The following CTNNBL1 variants were observed in gnomAD, a reference collection of about 807,000 sequenced individuals.
The protein encoded by CTNNBL1 is catenin beta like 1.
Under a neutral mutation model 72.7 loss-of-function variants are expected in CTNNBL1, and 31 were observed. The ratio of observed to expected loss-of-function variants is 0.43; its 90% CI spans 0.32 to 0.58. CTNNBL1 has a LOEUF of 0.58. Ranked by LOEUF, CTNNBL1 falls within the 20% of genes least tolerant of loss-of-function variation. The probability of loss-of-function intolerance (pLI) is 0.08; values close to 1 mark genes in which losing one functional copy is unlikely to be tolerated. For missense variants in CTNNBL1, 534 were observed against 725.1 expected, an observed-to-expected ratio of 0.74 and a Z score of 3.03; for synonymous variants, 240 against 267.3, an observed-to-expected ratio of 0.90 and a Z score of 1.00.
intron 1 of CTNNBL1, among the ~76,000 whole-genome samples, chr20:37,729,147 G>C (rs1486471959): frequency 1.3e-5 from 2 of 152,148 alleles, no homozygotes; most frequent in Admixed American, 6.5e-5. Context: ...GGATGTTTTT[G>C]CCTGAAATTT....
intron 3 of CTNNBL1, among the ~76,000 whole-genome samples, chr20:37,737,709 C>G (rs1444208588): frequency 3.3e-5 from 5 of 152,198 alleles, no homozygotes; most frequent in Admixed American, 3.3e-4. Context: ...GAGAAAAAGA[C>G]ACATCAGGTG....
intron 13 of CTNNBL1, among the ~76,000 whole-genome samples, chr20:37,845,939 A>G (rs528373967): frequency 4.5e-4 from 69 of 152,304 alleles, no homozygotes; most frequent in Non-Finnish European, 6.3e-4. Flanking sequence ...TTCCCTGTGA[A>G]CTTCAGACTT....
chr20:37,801,956 T>C (rs371173087), intron 10 of CTNNBL1, among the ~76,000 whole-genome samples: 1 of 152,250 alleles, frequency 6.6e-6, no homozygotes, highest in Non-Finnish European at 1.5e-5. Flanking sequence ...TCCTAAGGAA[T>C]CTACTAAAAG....
chr20:37,760,793 T>C lies in CTNNBL1; in HGVS notation c.564+3137T>C, dbSNP rs557692783. Among the ~76,000 whole-genome samples the C allele has an allele frequency of 2.0e-5, 3 of 152,334 alleles. No homozygotes were observed. In the South Asian group the frequency reaches 6.2e-4, roughly 32 times the overall value. On this transcript the variant is annotated intron_variant, in intron 5 of 15. Transcript: ENST00000361383. ...ATAAAGGTACTATGCCTGGCAGATA[T>C]TAAGCATTTAGCAAATGTCAGGTTA...
chr20:37,725,649 GTGT>G (rs2073078410), intron 1 of CTNNBL1, among the ~76,000 whole-genome samples: 2 of 151,204 alleles, frequency 1.3e-5, no homozygotes, highest in East Asian at 4.0e-4. Context: ...GGAGCTCAGT[GTGT>G]TGTTTTCTAT....
intron 4 of CTNNBL1, among the ~76,000 whole-genome samples, chr20:37,753,657 G>A (rs778161209): frequency 6.6e-5 from 10 of 152,156 alleles, no homozygotes; most frequent in South Asian, 4.1e-4. Flanking sequence ...AATAGTGAGC[G>A]CTTTGGGCAT....
At chr20:37,835,959 C>T (rs1019503617) in intron 11 of CTNNBL1, among the ~76,000 whole-genome samples, 9 of 152,132 alleles carry the variant, frequency 5.9e-5, no homozygotes, top group East Asian at 1.9e-4. Context: ...AGAATGGGTT[C>T]GTGGAAGGAA....
At chr20:37,786,886 T>C (rs2073679850) in intron 10 of CTNNBL1, among the ~76,000 whole-genome samples, 2 of 152,224 alleles carry the variant, frequency 1.3e-5, no homozygotes. Context: ...AAAATACATT[T>C]CTGAATTTGA....
At chr20:37,856,645 A>G (rs1417075332) in intron 13 of CTNNBL1, among the ~76,000 whole-genome samples, 2 of 151,214 alleles carry the variant, frequency 1.3e-5, no homozygotes, top group Non-Finnish European at 2.9e-5. Context: ...CATACCTCTA[A>G]GGTGCTCCAT....
chr20:37,829,120 G>A (rs1470911343), intron 11 of CTNNBL1, among the ~76,000 whole-genome samples: 3 of 152,162 alleles, frequency 2.0e-5, no homozygotes, highest in Admixed American at 2.0e-4. Flanking sequence ...GGGGCAGGGG[G>A]CAGGTGGGTG....
At chr20:37,788,523 G>A (rs563004707) in intron 10 of CTNNBL1, among the ~76,000 whole-genome samples, 160 of 152,276 alleles carry the variant, frequency 1.1e-3, no homozygotes, top group African/African-American at 3.7e-3. Context: ...TGCATGGAAA[G>A]CACAAAACGG....
intron 13 of CTNNBL1, among the ~76,000 whole-genome samples, chr20:37,850,564 A>C (rs554130895): frequency 2.3e-3 from 16 of 6,966 alleles, no homozygotes; most frequent in African/African-American, 9.0e-3. Context: ...CAAAACTGCC[A>C]TCAGTTTCTT....
chr20:37,843,666 T>G (rs6067831), intron 13 of CTNNBL1, among the ~76,000 whole-genome samples: 124,433 of 152,186 alleles, frequency 0.82, 50,926 homozygotes, highest in Middle Eastern at 0.89. Context: ...TCCAAAAATG[T>G]CAGAGTTACC....
At chr20:37,779,081 C>T in intron 9 of CTNNBL1, 106 bp from the exon 10 acceptor site, 1 of 1,076,156 alleles carries the variant, frequency 9.3e-7, no homozygotes, top group South Asian at 1.4e-5. Flanking sequence ...CTTCTGTTTC[C>T]TCAGTCGTAG....
chr20:37,834,687 T>C (rs1020989066), intron 11 of CTNNBL1, among the ~76,000 whole-genome samples: 2 of 152,180 alleles, frequency 1.3e-5, no homozygotes, highest in Admixed American at 6.5e-5. Context: ...TCAGGCGACT[T>C]AGATTCAGAT....
At chr20:37,864,575 TACTC>T (rs1020712642) in intron 15 of CTNNBL1, among the ~76,000 whole-genome samples, 4 of 152,150 alleles carry the variant, frequency 2.6e-5, no homozygotes, top group African/African-American at 9.7e-5. Flanking sequence ...GCACACTGCT[TACTC>T]AGTGCTCCCG....
chr20:37,751,394 T>C (rs1441221048), intron 4 of CTNNBL1: 1 of 152,160 alleles, frequency 6.6e-6, no homozygotes, highest in African/African-American at 2.4e-5. Flanking sequence ...ATTGTGCTGA[T>C]GGGGCAGCTC....
chr20:37,698,229 GA>G (rs2072809630), intron 1 of CTNNBL1, among the ~76,000 whole-genome samples: 1 of 152,222 alleles, frequency 6.6e-6, no homozygotes, highest in South Asian at 2.1e-4. Flanking sequence ...TAACAGGGCT[GA>G]AACCTCCTAA....
chr20:37,753,725 C>T (rs947047457), intron 4 of CTNNBL1, among the ~76,000 whole-genome samples: 1 of 152,194 alleles, frequency 6.6e-6, no homozygotes, highest in African/African-American at 2.4e-5. Context: ...ATTTTAACTT[C>T]CTTGGCCTTT....
Sources: gnomAD v4.1 joint callset for allele counts (sites outside exome capture counted in the v4.1 genomes callset) on GRCh38, gnomAD v4.1.1 for gene constraint, MANE v1.5 for transcripts, NCBI Gene and HGNC (gene_info 2026-07-23, HGNC 2026-07-21) for gene names.